GALNTL6: variants seen among roughly 807,000 people sequenced by gnomAD.
The protein encoded by GALNTL6 is polypeptide N-acetylgalactosaminyltransferase like 6, also known as polypeptide N-acetylgalactosaminyltransferase-like 6.
A neutral mutation model predicts 73.7 loss-of-function variants in GALNTL6; 46 were observed. The observed-to-expected ratio is 0.62, with a 90% CI of 0.49 to 0.80. The LOEUF is 0.80. GALNTL6 is among the 30% of genes least tolerant of loss of function. GALNTL6 has a pLI of 0.00. For missense variants in GALNTL6, 604 were observed against 755.0 expected (o/e 0.80, Z 2.34); for synonymous variants, 259 against 263.7 (o/e 0.98, Z 0.17).
At chr4:172,580,775 T>TTTTG (rs761031950) in intron 5 of GALNTL6, among the ~76,000 whole-genome samples, 6 of 152,210 alleles carry the variant, frequency 3.9e-5, no homozygotes, top group African/African-American at 7.2e-5. Context: ...GTTTTAATTT[T>TTTTG]TTTGTTTGTT....
At chr4:172,630,712 T>C (rs1739358739) in intron 5 of GALNTL6, among the ~76,000 whole-genome samples, 1 of 150,994 alleles carries the variant, frequency 6.6e-6, no homozygotes, top group African/African-American at 2.4e-5. Context: ...ACTCAACATA[T>C]ATATATATAA....
intron 2 of GALNTL6, among the ~76,000 whole-genome samples, chr4:172,036,342 A>T (rs1741929896): frequency 6.6e-6 from 1 of 152,102 alleles, no homozygotes; most frequent in African/African-American, 2.4e-5. Context: ...CACTGCTGTT[A>T]ATCTTAAAAG....
At chr4:172,124,816 A>G (rs1231845902) in intron 2 of GALNTL6, among the ~76,000 whole-genome samples, 1 of 152,214 alleles carries the variant, frequency 6.6e-6, no homozygotes, top group Non-Finnish European at 1.5e-5. Context: ...ATACACAGGA[A>G]TGTAAACAGA....
At chr4:172,330,331 C>T (rs1679607628) in intron 4 of GALNTL6, among the ~76,000 whole-genome samples, 1 of 152,172 alleles carries the variant, frequency 6.6e-6, no homozygotes, top group African/African-American at 2.4e-5. Context: ...CCATGGTTTG[C>T]AAAGATCCAC....
At chr4:172,312,149 T>C (rs1184137599) in intron 4 of GALNTL6, among the ~76,000 whole-genome samples, 1 of 152,218 alleles carries the variant, frequency 6.6e-6, no homozygotes, top group Non-Finnish European at 1.5e-5. Context: ...ACAGATTTAG[T>C]GCCATGGTTG....
chr4:172,371,244 A>G (rs1742798488), intron 5 of GALNTL6, among the ~76,000 whole-genome samples: 1 of 152,216 alleles, frequency 6.6e-6, no homozygotes, highest in African/African-American at 2.4e-5. Flanking sequence ...TCCTGTCCTG[A>G]AAGGAGTTCC....
intron 5 of GALNTL6, among the ~76,000 whole-genome samples, chr4:172,599,770 A>AT (rs1209958831): frequency 6.6e-6 from 1 of 152,122 alleles, no homozygotes; most frequent in Non-Finnish European, 1.5e-5. Flanking sequence ...GTTTTTTGAC[A>AT]TTAAAAGTAA....
chr4:172,200,772 A>G (rs1352344145), intron 2 of GALNTL6, among the ~76,000 whole-genome samples: 12 of 152,188 alleles, frequency 7.9e-5, no homozygotes, highest in South Asian at 2.1e-4. Flanking sequence ...TTTTTTGGTT[A>G]GAGGAGAATA....
rs1468173269 is a variant in GALNTL6 at position 171,843,291 on chromosome 4, CTA to C, written c.138+28575_138+28576del. 9.2e-5 allele frequency among the ~76,000 whole-genome samples: 14 copies of C among 152,046 alleles called. No individual in the cohort carries two copies. In the South Asian group the frequency reaches 2.7e-3, roughly 29 times the overall value. The stretch of plus-strand genomic sequence containing the variant: ...ATACACCACAAACATAAAAAAATGA[CTA>C]TGAAGACAATTCACATAAAAATAAT... On this transcript the variant is annotated intron_variant, in intron 2 of 12. Transcript: ENST00000506823.
chr4:172,535,963 T>C (rs1465749178), intron 5 of GALNTL6, among the ~76,000 whole-genome samples: 1 of 152,212 alleles, frequency 6.6e-6, no homozygotes, highest in Non-Finnish European at 1.5e-5. Flanking sequence ...CCAAGTGTCA[T>C]GGGAAGGACC....
At chr4:172,813,847 C>G in intron 7 of GALNTL6, 124 bp downstream of exon 7, 1 of 656,642 alleles carries the variant, frequency 1.5e-6, no homozygotes, top group South Asian at 3.0e-5. Flanking sequence ...CAACAATATG[C>G]AAAACATCAC....
chr4:172,646,279 T>TATAG (rs1740239130), intron 5 of GALNTL6, among the ~76,000 whole-genome samples: 1 of 152,056 alleles, frequency 6.6e-6, no homozygotes, highest in Non-Finnish European at 1.5e-5. Flanking sequence ...GTATTAAATC[T>TATAG]ATAGATAGCT....
At chr4:171,958,553 A>G (rs1739124361) in intron 2 of GALNTL6, among the ~76,000 whole-genome samples, 1 of 152,168 alleles carries the variant, frequency 6.6e-6, no homozygotes, top group South Asian at 2.1e-4. Context: ...CTTTACTGTT[A>G]TCAGATAAAT....
At chr4:172,077,002 C>T (rs74724656) in intron 2 of GALNTL6, among the ~76,000 whole-genome samples, 5,144 of 152,236 alleles carry the variant, frequency 0.034, 215 homozygotes, top group Admixed American at 0.12. Flanking sequence ...TCTTCTGCCA[C>T]CATGTGAAGA....
At chr4:172,923,683 T>A (rs1212364097) in intron 8 of GALNTL6, among the ~76,000 whole-genome samples, 2 of 151,976 alleles carry the variant, frequency 1.3e-5, no homozygotes, top group African/African-American at 4.8e-5. Context: ...TAAACACATA[T>A]CCAACACTGG....
chr4:172,187,904 C>A (rs1039804469), intron 2 of GALNTL6, among the ~76,000 whole-genome samples: 1 of 152,038 alleles, frequency 6.6e-6, no homozygotes, highest in Non-Finnish European at 1.5e-5. Flanking sequence ...TTCTTTATTA[C>A]CACCAAGACA....
intron 10 of GALNTL6, among the ~76,000 whole-genome samples, chr4:172,988,551 C>T (rs550530815): frequency 6.6e-6 from 1 of 152,188 alleles, no homozygotes; most frequent in African/African-American, 2.4e-5. Flanking sequence ...GAGGAATATG[C>T]CTAAATAAAG....
intron 3 of GALNTL6, among the ~76,000 whole-genome samples, chr4:172,287,412 A>G (rs1386799787): frequency 6.6e-6 from 1 of 150,948 alleles, no homozygotes; most frequent in East Asian, 2.0e-4. Context: ...TTGCTGAGCA[A>G]AAAGCTGACT....
intron 5 of GALNTL6, among the ~76,000 whole-genome samples, chr4:172,541,999 G>A (rs1373367466): frequency 6.6e-6 from 1 of 151,798 alleles, no homozygotes; most frequent in Non-Finnish European, 1.5e-5. Context: ...CATTGTCTGA[G>A]GTATATACCC....
Sources: allele counts gnomAD v4.1 joint callset (sites outside exome capture counted in the v4.1 genomes callset), GRCh38; gene constraint gnomAD v4.1.1; transcripts MANE v1.5; gene names NCBI Gene and HGNC (gene_info 2026-07-23, HGNC 2026-07-21).